The following GRM3 variants were observed in gnomAD, a reference collection of about 807,000 sequenced individuals.
The protein encoded by GRM3 is glutamate metabotropic receptor 3.
GRM3 carries 26 observed loss-of-function variants against 70.5 expected under a neutral mutation model. The ratio of observed to expected loss-of-function variants is 0.37; its 90% CI spans 0.27 to 0.51. The LOEUF (loss-of-function observed/expected upper bound fraction) is 0.51, where lower values mean the gene tolerates loss of function less well. GRM3 is among the 20% of genes least tolerant of loss of function. GRM3 has a pLI of 0.93. For synonymous variants in GRM3, 443 were observed against 434.9 expected, an observed-to-expected ratio of 1.02 and a Z score of -0.23; for missense variants, 859 against 1,123.8, an observed-to-expected ratio of 0.76 and a Z score of 3.37.
At chr7:86,715,739 C>T (rs1248307476) in intron 1 of GRM3, among the ~76,000 whole-genome samples, 1 of 151,978 alleles carries the variant, frequency 6.6e-6, no homozygotes, top group Non-Finnish European at 1.5e-5. Flanking sequence ...AAAAGCAATT[C>T]TAATAACTCT....
At chr7:86,717,487 C>G (rs1795345356) in intron 1 of GRM3, among the ~76,000 whole-genome samples, 1 of 151,984 alleles carries the variant, frequency 6.6e-6, no homozygotes, top group Non-Finnish European at 1.5e-5. Context: ...ATCCATCTCT[C>G]TTTACAAATA....
At chr7:86,854,427 T>A (rs538484419) in intron 5 of GRM3, among the ~76,000 whole-genome samples, 1 of 152,144 alleles carries the variant, frequency 6.6e-6, no homozygotes, top group Non-Finnish European at 1.5e-5. Flanking sequence ...AGAATGAACA[T>A]GGTTAACAAC....
intron 1 of GRM3, among the ~76,000 whole-genome samples, chr7:86,736,565 C>A (rs1795864841): frequency 6.6e-6 from 1 of 152,176 alleles, no homozygotes; most frequent in Admixed American, 6.5e-5. Flanking sequence ...CGTAGCAATT[C>A]TTCAGGCATA....
chr7:86,782,893 ACATC>A (rs772214810), intron 2 of GRM3, among the ~76,000 whole-genome samples: 3 of 152,214 alleles, frequency 2.0e-5, no homozygotes, highest in Admixed American at 6.5e-5. Context: ...ATATATAACT[ACATC>A]CTGTTTTTCC....
intron 5 of GRM3, among the ~76,000 whole-genome samples, chr7:86,857,178 T>C (rs2115596772): frequency 6.6e-6 from 1 of 151,988 alleles, no homozygotes; most frequent in East Asian, 1.9e-4. Context: ...GCTCTATACC[T>C]GATGGCATCT....
chr7:86,659,269 T>C (rs541395731), intron 1 of GRM3, among the ~76,000 whole-genome samples: 31 of 152,340 alleles, frequency 2.0e-4, no homozygotes, highest in African/African-American at 7.2e-4. Context: ...ACACCATTTT[T>C]AGAAGAATGA....
chr7:86,858,487 C>G (rs567700216), intron 5 of GRM3, among the ~76,000 whole-genome samples: 1 of 152,174 alleles, frequency 6.6e-6, no homozygotes, highest in African/African-American at 2.4e-5. Context: ...GAAGAGAGAC[C>G]TGAACTAGAT....
chr7:86,646,019 G>A (rs1370769420), intron 1 of GRM3, among the ~76,000 whole-genome samples: 2 of 40,952 alleles, frequency 4.9e-5, no homozygotes, highest in African/African-American at 1.0e-4. Context: ...GGGGGGGTGG[G>A]AGGGAGTTTA....
intron 3 of GRM3, among the ~76,000 whole-genome samples, chr7:86,809,606 C>T (rs914810310): frequency 1.1e-4 from 17 of 151,972 alleles, no homozygotes; most frequent in African/African-American, 3.6e-4. Context: ...CATCATGAAA[C>T]ATTGTGGGCT....
chr7:86,744,375 C>A (rs114051737), intron 1 of GRM3, among the ~76,000 whole-genome samples: 3,266 of 151,786 alleles, frequency 0.022, 106 homozygotes, highest in African/African-American at 0.072. Context: ...ATATTACTAT[C>A]TTTCCCAAAT....
intron 3 of GRM3, among the ~76,000 whole-genome samples, chr7:86,795,397 A>T (rs1358956478): frequency 6.6e-6 from 1 of 151,864 alleles, no homozygotes; most frequent in East Asian, 1.9e-4. Context: ...TGCACCTATC[A>T]ACGCATCATC....
At chr7:86,669,989 A>G (rs759710330) in intron 1 of GRM3, among the ~76,000 whole-genome samples, 3 of 152,148 alleles carry the variant, frequency 2.0e-5, no homozygotes, top group Non-Finnish European at 2.9e-5. Context: ...ACTTCTCCTC[A>G]GTTCTCAGAC....
intron 2 of GRM3, among the ~76,000 whole-genome samples, chr7:86,776,528 AT>A (rs1313453597): frequency 2.6e-5 from 4 of 151,906 alleles, no homozygotes; most frequent in African/African-American, 7.3e-5. Context: ...AATGATAATC[AT>A]TTAAGGAAAT....
intron 1 of GRM3, among the ~76,000 whole-genome samples, chr7:86,668,923 T>C (rs546964432): frequency 6.6e-6 from 1 of 152,124 alleles, no homozygotes; most frequent in Admixed American, 6.6e-5. Flanking sequence ...GAGAATAAGC[T>C]CCTGCTAGGG....
intron 1 of GRM3, among the ~76,000 whole-genome samples, chr7:86,652,308 TTTG>T (rs1241157440): frequency 1.4e-4 from 12 of 84,374 alleles, no homozygotes; most frequent in Non-Finnish European, 2.0e-4. Context: ...ATAATTTTTG[TTTG>T]TTTTTTGTTT....
At chr7:86,842,596 C>A (rs1798577805) in intron 4 of GRM3, among the ~76,000 whole-genome samples, 2 of 152,202 alleles carry the variant, frequency 1.3e-5, no homozygotes, top group Non-Finnish European at 1.5e-5. Flanking sequence ...TCGTGTGGTT[C>A]GGACAGAATT....
At chr7:86,678,271 AAGAT>A (rs1485911711) in intron 1 of GRM3, among the ~76,000 whole-genome samples, 1 of 152,074 alleles carries the variant, frequency 6.6e-6, no homozygotes, top group East Asian at 1.9e-4. Flanking sequence ...TCACCTACAA[AAGAT>A]AGATAAAGGA....
At chr7:86,655,894 A>G (rs1471529549) in intron 1 of GRM3, among the ~76,000 whole-genome samples, 1 of 149,120 alleles carries the variant, frequency 6.7e-6, no homozygotes, top group Non-Finnish European at 1.5e-5. Flanking sequence ...TTCTCTCACT[A>G]TTGCTGAGGG....
At chr7:86,812,067 G>T (rs1274390375) in intron 3 of GRM3, among the ~76,000 whole-genome samples, 2 of 151,728 alleles carry the variant, frequency 1.3e-5, no homozygotes, top group African/African-American at 4.8e-5. Context: ...CCAAATGAGG[G>T]TATGAGCAAT....
Sources: allele counts gnomAD v4.1 joint callset (sites outside exome capture counted in the v4.1 genomes callset), GRCh38; gene constraint gnomAD v4.1.1; transcripts MANE v1.5; gene names NCBI Gene and HGNC (gene_info 2026-07-23, HGNC 2026-07-21).